USP37: variants seen among roughly 807,000 people sequenced by gnomAD.
USP37 encodes ubiquitin specific peptidase 37, also known as ubiquitin carboxyl-terminal hydrolase 37.
A neutral mutation model predicts 124.0 loss-of-function variants in USP37; 27 were observed. The observed-to-expected ratio is 0.22, with a 90% CI of 0.16 to 0.30. The LOEUF (loss-of-function observed/expected upper bound fraction) is 0.30. USP37 is among the 10% of genes least tolerant of loss of function. The pLI is 1.00. For missense variants in USP37, 889 were observed against 1,140.4 expected, an observed-to-expected ratio of 0.78 and a Z score of 3.17; for synonymous variants, 365 against 388.0, an observed-to-expected ratio of 0.94 and a Z score of 0.70.
intron 16 of USP37, among the ~76,000 whole-genome samples, chr2:218,484,188 A>G (rs976562393): frequency 1.1e-4 from 17 of 152,058 alleles, no homozygotes; most frequent in African/African-American, 3.9e-4. Context: ...CATTTTTTGT[A>G]GAGATGGGGG....
At chr2:218,541,066 G>C (rs905834507) in intron 8 of USP37, among the ~76,000 whole-genome samples, 1 of 152,124 alleles carries the variant, frequency 6.6e-6, no homozygotes, top group Admixed American at 6.5e-5. Context: ...CATTCCATTT[G>C]TAAAAAATAT....
chr2:218,537,450 C>T (rs565901740), intron 8 of USP37, among the ~76,000 whole-genome samples: 8 of 152,318 alleles, frequency 5.3e-5, no homozygotes, highest in African/African-American at 1.7e-4. Flanking sequence ...CCATCCTAGA[C>T]CAGTCAAACT....
rs71064454 is a variant in USP37, at chr2:218,526,785, C to CTTTTTTTTTT, written c.863+3161_863+3170dup. ...AACGTAAGTTTCTTCATTTCATTTG[C>CTTTTTTTTTT]TTTTTTTTTTTTTTTTTTTTTGGGA... On this transcript the variant is annotated intron_variant, in intron 10 of 25. Transcript: ENST00000258399. Among the ~76,000 whole-genome samples, 61 of 75,926 alleles carry CTTTTTTTTTT rather than the reference C, an allele frequency of 8.0e-4. 5 individuals carry two copies. The highest frequency in any genetic ancestry group is 2.7e-3 in the East Asian group (5 of 1,878). The allele number at this position is 75,926 out of a possible 152,430, so 49.8% of individuals were successfully genotyped here.
intron 10 of USP37, among the ~76,000 whole-genome samples, chr2:218,520,437 C>T (rs1690544732): frequency 6.6e-6 from 1 of 151,156 alleles, no homozygotes; most frequent in Non-Finnish European, 1.5e-5. Context: ...GCAACCTCCA[C>T]CTCCCAGGTT....
intron 21 of USP37, 61 bp from the exon 22 acceptor site, chr2:218,463,427 G>T: frequency 6.7e-7 from 1 of 1,482,372 alleles, no homozygotes; most frequent in Non-Finnish European, 9.4e-7. Context: ...CTTACTTAAT[G>T]AGGATAAAAT....
intron 11 of USP37, among the ~76,000 whole-genome samples, chr2:218,506,353 C>T (rs769679239): frequency 2.4e-5 from 3 of 124,300 alleles, no homozygotes; most frequent in African/African-American, 3.2e-5. Flanking sequence ...TGCAGTGGTG[C>T]GATCTCAGCT....
chr2:218,490,179 G>A (rs993176151), intron 14 of USP37, among the ~76,000 whole-genome samples: 3 of 152,144 alleles, frequency 2.0e-5, no homozygotes, highest in South Asian at 2.1e-4. Context: ...GTGAAACCCC[G>A]TCTCTACTAA....
chr2:218,558,422 G>A (rs1693142988), intron 4 of USP37, 76 bp downstream of exon 4: 1 of 1,380,930 alleles, frequency 7.2e-7, no homozygotes, highest in Non-Finnish European at 9.8e-7. Context: ...CTACTGTGAT[G>A]TTTACTATGG....
intron 1 of USP37, among the ~76,000 whole-genome samples, chr2:218,563,781 C>T (rs1038349282): frequency 6.6e-6 from 1 of 152,258 alleles, no homozygotes; most frequent in East Asian, 1.9e-4. Context: ...AGGCCAGGCA[C>T]GGTGGCTCAC....
chr2:218,521,371 A>C (rs559409294), intron 10 of USP37, among the ~76,000 whole-genome samples: 1 of 152,274 alleles, frequency 6.6e-6, no homozygotes, highest in African/African-American at 2.4e-5. Flanking sequence ...TACTGTACAG[A>C]ATGTACAGGT....
chr2:218,562,472 G>A (rs1329943339), intron 2 of USP37, among the ~76,000 whole-genome samples: 1 of 152,138 alleles, frequency 6.6e-6, no homozygotes, highest in African/African-American at 2.4e-5. Flanking sequence ...TAGCAAAAAT[G>A]TTTCTATGCC....
At chr2:218,456,941 T>C (rs1011223127) in intron 24 of USP37, 151 bp downstream of exon 24, 4 of 740,694 alleles carry the variant, frequency 5.4e-6, no homozygotes, top group Non-Finnish European at 8.3e-6. Flanking sequence ...CTACACTCCA[T>C]CCTGGGCAAC....
intron 18 of USP37, 129 bp from the exon 19 acceptor site, chr2:218,477,110 A>G: frequency 9.1e-7 from 1 of 1,096,344 alleles, no homozygotes; most frequent in South Asian, 2.2e-5. Flanking sequence ...AGATATATCA[A>G]AAGAGGTATA....
At chr2:218,539,544 G>A (rs764451351) in intron 8 of USP37, among the ~76,000 whole-genome samples, 2 of 151,340 alleles carry the variant, frequency 1.3e-5, no homozygotes, top group South Asian at 2.1e-4. Context: ...GTGAAACCCC[G>A]TCTCTACAAA....
chr2:218,530,140 C>T, intron 9 of USP37, 100 bp from the exon 10 acceptor site: 1 of 790,650 alleles, frequency 1.3e-6, no homozygotes, highest in Non-Finnish European at 1.9e-6. Flanking sequence ...ATATTTAACT[C>T]TTTTTCCTTC....
chr2:218,536,376 C>T (rs923864208), intron 8 of USP37, among the ~76,000 whole-genome samples: 1 of 152,188 alleles, frequency 6.6e-6, no homozygotes, highest in Admixed American at 6.5e-5. Context: ...TCCATATCTT[C>T]ACACCAACTT....
At chr2:218,496,045 G>GAGTGCTGGAATTA in intron 13 of USP37, 95 bp from the exon 14 acceptor site, 5 of 1,299,418 alleles carry the variant, frequency 3.8e-6, no homozygotes, top group Non-Finnish European at 5.2e-6. Context: ...TGTAATTCCA[G>GAGTGCTGGAATTA]CACTCTGGAA....
intron 22 of USP37, 77 bp downstream of exon 22, chr2:218,463,216 ACACACACACACAC>A: frequency 1.6e-6 from 1 of 614,878 alleles, no homozygotes; most frequent in Non-Finnish European, 2.7e-6. Flanking sequence ...ACACACACAC[ACACACACACACAC>A]ACTTTCTTTA....
intron 24 of USP37, among the ~76,000 whole-genome samples, chr2:218,456,087 G>A (rs1689684536): frequency 6.6e-6 from 1 of 151,880 alleles, no homozygotes; most frequent in African/African-American, 2.4e-5. Flanking sequence ...CTCAGGTGCA[G>A]GAAGTTTGAG....
Sources: allele counts gnomAD v4.1 joint callset (sites outside exome capture counted in the v4.1 genomes callset), GRCh38; gene constraint gnomAD v4.1.1; transcripts MANE v1.5; gene names NCBI Gene and HGNC (gene_info 2026-07-23, HGNC 2026-07-21).